LIPK: variants seen among roughly 807,000 people sequenced by gnomAD.
The protein encoded by LIPK is lipase family member K, also known as lipase member K.
Under a neutral mutation model 48.6 loss-of-function variants are expected in LIPK, and 32 were observed. The observed-to-expected ratio is 0.66, with a 90% CI of 0.50 to 0.88. The LOEUF is 0.88. LIPK is among the 40% of genes least tolerant of loss of function. LIPK has a pLI of 0.00. For missense variants in LIPK, 507 were observed against 478.5 expected, an observed-to-expected ratio of 1.06 and a Z score of -0.56; for synonymous variants, 164 against 157.4, an observed-to-expected ratio of 1.04 and a Z score of -0.32.
chr10:88,726,521 T>C (rs1352754244), intron 2 of LIPK, among the ~76,000 whole-genome samples: 1 of 152,118 alleles, frequency 6.6e-6, no homozygotes, highest in African/African-American at 2.4e-5. Flanking sequence ...TGAAACCCCA[T>C]CTCTACAAAA....
At chr10:88,727,686 A>G in intron 3 of LIPK, 1 of 175,440 alleles carries the variant, frequency 5.7e-6, no homozygotes, top group Non-Finnish European at 1.2e-5. Context: ...GGTCTGGGTG[A>G]GGTCTATGCT....
At chr10:88,726,960 C>T (rs987238737) in intron 3 of LIPK, 48 bp downstream of exon 3, 1 of 1,079,300 alleles carries the variant, frequency 9.3e-7, no homozygotes. Flanking sequence ...AGCAGAGGTA[C>T]TTAGATGTCC....
In LIPK at chr10:88,743,318, T is replaced by G. The variant is rs390152; in HGVS notation, c.957T>G (p.His319Gln). 1.3e-6 allele frequency: 2 copies of G among 1,583,308 alleles called. No individual in the cohort carries two copies. Among genetic ancestry groups the G allele is most frequent in the Non-Finnish European group, 1.7e-6 (2 of 1,161,660 alleles). Residue 319 changes from histidine (H) to glutamine (Q), a missense_variant, in exon 9 of 10, where the codon CAT (histidine) becomes CAG (glutamine). His to Gln is a conservative substitution (Grantham distance 24, BLOSUM62 0). Transcript: ENST00000404190. ...GNSDQNMMHF[H>Q]QLTPPLYNIT... ...CTGATCAGAACATGATGCACTTCCA[T>G]CAGGTACAAAAATAATCCTCATAAT...
chr10:88,723,503 C>G (rs911100023), intron 1 of LIPK, among the ~76,000 whole-genome samples: 1 of 152,076 alleles, frequency 6.6e-6, no homozygotes, highest in Non-Finnish European at 1.5e-5. Context: ...AGGAAGCCCT[C>G]TTGAAAAATG....
Position 88,751,176 on chromosome 10 carries a change from C to A in LIPK, c.961-1341C>A, listed in dbSNP as rs188372652. The stretch of plus-strand genomic sequence containing the variant: ...TCGATCTGGTGTGTCACCAGATCTA[C>A]GAAAACTTTTAGAGAAAAGTTTTAT... On this transcript the variant is annotated intron_variant, in intron 9 of 9. Transcript: ENST00000404190. 9.0e-4 allele frequency among the ~76,000 whole-genome samples: 136 copies of A among 151,810 alleles called. 1 individual carries two copies. In the East Asian group the frequency reaches 0.014, roughly 15 times the overall value.
Position 88,743,254 on chromosome 10 carries a change from T to C in LIPK, c.893T>C (p.Val298Ala). 6.3e-7 allele frequency: 1 copy of C among 1,581,706 alleles called. No homozygotes were observed. Among genetic ancestry groups the C allele is most frequent in the Non-Finnish European group, 8.6e-7 (1 of 1,160,814 alleles). Residue 298 changes from valine (V) to alanine (A), a missense_variant, in exon 9 of 10, where the codon GTT (valine) becomes GCT (alanine). By Grantham distance (64) the Val-to-Ala change is moderately conservative. Coordinates refer to ENST00000404190, the MANE Select transcript of LIPK (RefSeq NM_001080518.2). ...AACGTGCTTATTTTATTTTAGGCTG[T>C]TAATTCTGGTCAGCTCCAAGCTTTT... is the stretch of plus-strand genomic sequence containing the variant. ...VQNMLHWAQA[V>A]NSGQLQAFDW...
intron 9 of LIPK, among the ~76,000 whole-genome samples, chr10:88,749,490 T>C (rs1842827087): frequency 1.3e-5 from 2 of 152,082 alleles, no homozygotes; most frequent in South Asian, 2.1e-4. Context: ...TTCGACAAAG[T>C]TGACAATAAC....
intron 3 of LIPK, among the ~76,000 whole-genome samples, chr10:88,730,178 GA>G (rs1842435300): frequency 6.6e-6 from 1 of 151,900 alleles, no homozygotes; most frequent in Non-Finnish European, 1.5e-5. Context: ...TTATTATTTT[GA>G]AAAAAATTTA....
chr10:88,714,090 T>C (rs1021945897), intron 1 of LIPK, among the ~76,000 whole-genome samples: 1 of 152,164 alleles, frequency 6.6e-6, no homozygotes, highest in Non-Finnish European at 1.5e-5. Context: ...ATGGAGGTGA[T>C]AAGAAAGACA....
At chr10:88,745,431 C>G (rs558518974) in intron 9 of LIPK, among the ~76,000 whole-genome samples, 2 of 152,252 alleles carry the variant, frequency 1.3e-5, no homozygotes, top group South Asian at 4.2e-4. Context: ...AACTGTGGAC[C>G]TTTCAGCAGA....
At chr10:88,730,118 G>A (rs1202747638) in intron 3 of LIPK, among the ~76,000 whole-genome samples, 1 of 152,008 alleles carries the variant, frequency 6.6e-6, no homozygotes, top group African/African-American at 2.4e-5. Flanking sequence ...ACTTAGCATA[G>A]TGCTTGACAT....
intron 1 of LIPK, among the ~76,000 whole-genome samples, chr10:88,709,760 C>T (rs951231587): frequency 6.6e-6 from 1 of 151,770 alleles, no homozygotes; most frequent in Non-Finnish European, 1.5e-5. Flanking sequence ...GTCAATTATT[C>T]TCTTGTTAGG....
Position 88,740,056 on chromosome 10 carries a change from C to T in LIPK, c.877C>T (p.His293Tyr). The T allele has an allele frequency of 6.2e-7, 1 of 1,611,196 alleles. No individual in the cohort carries two copies. Among genetic ancestry groups the T allele is most frequent in the Admixed American group, 1.7e-5 (1 of 59,920 alleles). Residue 293 changes from histidine (H) to tyrosine (Y), a missense_variant, in exon 8 of 10, where the codon CAC (histidine) becomes TAC (tyrosine). By Grantham distance (83) the His-to-Tyr change is moderately conservative. Transcript: ENST00000404190. ...PAGTSVQNML[H>Y]WAQAVNSGQL... is the part of the protein sequence containing the mutation. ...GGGAACATCTGTTCAGAATATGCTG[C>T]ACTGGGCTCAGGTAAGTGCTTCTTA...
chr10:88,742,293 A>G (rs970923632), intron 8 of LIPK, among the ~76,000 whole-genome samples: 2 of 152,208 alleles, frequency 1.3e-5, no homozygotes, highest in African/African-American at 4.8e-5. Flanking sequence ...CCTAAGTAGT[A>G]CGTCCTATTG....
intron 6 of LIPK, among the ~76,000 whole-genome samples, chr10:88,734,337 A>G (rs1407341082): frequency 6.6e-6 from 1 of 152,222 alleles, no homozygotes; most frequent in African/African-American, 2.4e-5. Context: ...AGAGAGAAAC[A>G]TGAGCAACAT....
Position 88,724,530 on chromosome 10 carries a change from T to C in LIPK, c.-11-3T>C. 1.3e-6 allele frequency: 2 copies of C among 1,557,210 alleles called. No individual in the cohort carries two copies. The highest frequency in any genetic ancestry group is 2.7e-5 in the African/African-American group (2 of 73,328). ...GACAAATATATTAAATTTCCTTTCC[T>C]AGGCAGATCCCAAATGTGGCAGCTT... On this transcript the variant is annotated splice_region_variant and splice_polypyrimidine_tract_variant and intron_variant, in intron 1 of 9. Transcript: ENST00000404190.
At chr10:88,742,308 T>C (rs1282318869) in intron 8 of LIPK, among the ~76,000 whole-genome samples, 1 of 151,790 alleles carries the variant, frequency 6.6e-6, no homozygotes, top group Non-Finnish European at 1.5e-5. Context: ...CTATTGCCTC[T>C]CATTTCTAAA....
chr10:88,743,442 C>T (rs939062576), intron 9 of LIPK, 121 bp downstream of exon 9: 1 of 654,710 alleles, frequency 1.5e-6, no homozygotes, highest in African/African-American at 1.8e-5. Flanking sequence ...TTGCTGTTCT[C>T]ACAGGCTGCT....
At chr10:88,738,881 G>T (rs1276881359) in intron 7 of LIPK, among the ~76,000 whole-genome samples, 4 of 152,060 alleles carry the variant, frequency 2.6e-5, no homozygotes, top group Non-Finnish European at 5.9e-5. Flanking sequence ...CATAGCCAGG[G>T]GTACATAAGT....
Sources: allele counts gnomAD v4.1 joint callset (sites outside exome capture counted in the v4.1 genomes callset), GRCh38; gene constraint gnomAD v4.1.1; transcripts MANE v1.5; gene names NCBI Gene and HGNC (gene_info 2026-07-23, HGNC 2026-07-21).